The following CASK variants were observed in gnomAD, a reference collection of about 807,000 sequenced individuals.
The protein encoded by CASK is peripheral plasma membrane protein CASK.
A neutral mutation model predicts 82.9 loss-of-function variants in CASK; 4 were observed. The ratio of observed to expected loss-of-function variants is 0.05; its 90% confidence interval spans 0.02 to 0.11. CASK has a LOEUF of 0.11. Among genes scored for constraint, CASK ranks in the 10% least tolerant of loss-of-function variants. The pLI, the probability that CASK is intolerant of heterozygous loss-of-function variation, is 1.00. For missense variants in CASK, 358 were observed against 720.9 expected, an observed-to-expected ratio of 0.50 and a Z score of 5.76; for synonymous variants, 259 against 253.5, an observed-to-expected ratio of 1.02 and a Z score of -0.20.
At chrX:41,893,947 A>G (rs1432969195) in intron 1 of CASK, among the ~76,000 whole-genome samples, 2 of 111,727 alleles carry the variant, frequency 1.8e-5, no homozygotes, top group East Asian at 5.6e-4. Context: ...TTGCTACAAT[A>G]TATTATCTAA....
intron 22 of CASK, among the ~76,000 whole-genome samples, chrX:41,541,846 A>G (rs745664426): frequency 3.6e-5 from 4 of 111,755 alleles, no homozygotes; most frequent in Non-Finnish European, 5.6e-5. Context: ...GCCAGTCAGG[A>G]CTTTCAATTC....
chrX:41,914,618 A>G (rs2072639536), intron 1 of CASK, among the ~76,000 whole-genome samples: 1 of 112,457 alleles, frequency 8.9e-6, no homozygotes, highest in Non-Finnish European at 1.9e-5. Flanking sequence ...GTAGAAAGAT[A>G]TAAGACAATA....
chrX:41,878,591 A>T (rs1386717384), intron 1 of CASK, among the ~76,000 whole-genome samples: 1 of 111,177 alleles, frequency 9.0e-6, no homozygotes, highest in Non-Finnish European at 1.9e-5. Context: ...TTTCAAGCTG[A>T]GTTTTGTCAG....
intron 5 of CASK, among the ~76,000 whole-genome samples, chrX:41,707,031 T>C (rs1395964328): frequency 8.9e-6 from 1 of 111,972 alleles, no homozygotes; most frequent in African/African-American, 3.2e-5. Flanking sequence ...AAGGAGAAAA[T>C]ATAACAAGTC....
chrX:41,801,270 T>G (rs1010554613), intron 2 of CASK, among the ~76,000 whole-genome samples: 1 of 111,986 alleles, frequency 8.9e-6, no homozygotes, highest in Non-Finnish European at 1.9e-5. Flanking sequence ...GATATGGGTC[T>G]CTGATGGTCA....
chrX:41,695,869 T>C (rs1291436068), intron 5 of CASK: 2 of 1,207,343 alleles, frequency 1.7e-6, no homozygotes, highest in East Asian at 5.9e-5. Context: ...CTCTATGTAT[T>C]TCTGGGTATT....
intron 5 of CASK, among the ~76,000 whole-genome samples, chrX:41,711,325 C>A (rs928940666): frequency 8.9e-6 from 1 of 112,385 alleles, no homozygotes; most frequent in Non-Finnish European, 1.9e-5. Flanking sequence ...TCACAGAAAT[C>A]ATCTGTGTTA....
At position 41,853,227 on chromosome X, in the gene CASK, C is replaced by G; in HGVS notation, c.60G>C (p.Lys20Asn). 1 of 1,144,296 alleles carries G rather than the reference C, an allele frequency of 8.7e-7. No homozygotes were observed. The highest frequency in any genetic ancestry group is 1.2e-6 in the Non-Finnish European group (1 of 836,215). 94.3% of individuals were successfully genotyped at this position (1,144,296 alleles called of 1,213,427 possible). Residue 20 changes from lysine (K) to asparagine (N), a missense_variant and splice_region_variant, in exon 2 of 27, where the codon AAG (lysine) becomes AAC (asparagine). Transcript: ENST00000378163. ...ATCGTCGTACAACACTGAAGGGACC[C>G]CTATAAAACAAAAAGTCAATTTTAA... is the stretch of plus-strand genomic sequence containing the variant. ...DVYELCEVIG[K>N]GPFSVVRRCI...
intron 2 of CASK, among the ~76,000 whole-genome samples, chrX:41,802,122 T>A (rs988305859): frequency 1.8e-5 from 2 of 111,700 alleles, no homozygotes; most frequent in African/African-American, 6.5e-5. Flanking sequence ...AACACTTCCC[T>A]CTTAATATTT....
At chrX:41,739,992 C>T (rs1304624871) in intron 4 of CASK, among the ~76,000 whole-genome samples, 1 of 112,084 alleles carries the variant, frequency 8.9e-6, no homozygotes, top group African/African-American at 3.2e-5. Context: ...GTTGGGGCTC[C>T]CTTGAACAAA....
At chrX:41,823,762 T>C (rs756838216) in intron 2 of CASK, among the ~76,000 whole-genome samples, 1 of 111,701 alleles carries the variant, frequency 9.0e-6, no homozygotes, top group Admixed American at 9.5e-5. Context: ...TCTCTTTCCA[T>C]CCTTTCTTTA....
intron 1 of CASK, among the ~76,000 whole-genome samples, chrX:41,869,762 G>A (rs2071661971): frequency 1.2e-5 from 1 of 82,689 alleles, no homozygotes; most frequent in Non-Finnish European, 2.2e-5. Context: ...GCAGTGAGCC[G>A]AGATCACGCC....
intron 12 of CASK, 46 bp from the exon 13 acceptor site, chrX:41,589,638 C>T (rs927433706): frequency 1.1e-6 from 1 of 900,613 alleles, no homozygotes; most frequent in Non-Finnish European, 1.6e-6. Flanking sequence ...CAATTCTTTG[C>T]TAAAAATCAG....
intron 5 of CASK, among the ~76,000 whole-genome samples, chrX:41,691,581 G>A (rs1256787498): frequency 9.1e-6 from 1 of 110,413 alleles, no homozygotes; most frequent in African/African-American, 3.3e-5. Context: ...GTGGCCTGCC[G>A]GGTGCGGTGG....
intron 1 of CASK, among the ~76,000 whole-genome samples, chrX:41,890,708 T>C (rs2072149768): frequency 9.0e-6 from 1 of 111,260 alleles, no homozygotes; most frequent in Non-Finnish European, 1.9e-5. Flanking sequence ...CCATTCTCCA[T>C]TCCCTCTGTA....
At chrX:41,893,127 G>A (rs568371430) in intron 1 of CASK, among the ~76,000 whole-genome samples, 1 of 112,403 alleles carries the variant, frequency 8.9e-6, no homozygotes, top group African/African-American at 3.2e-5. Context: ...CTAAGGCAGA[G>A]GTGGGGGGCA....
intron 3 of CASK, among the ~76,000 whole-genome samples, chrX:41,779,284 A>G (rs2069424696): frequency 8.9e-6 from 1 of 112,325 alleles, no homozygotes; most frequent in African/African-American, 3.2e-5. Context: ...GTCTCTAATA[A>G]GCTTCCCTGG....
At chrX:41,776,085 TATAC>T (rs1296664197) in intron 3 of CASK, among the ~76,000 whole-genome samples, 5 of 112,213 alleles carry the variant, frequency 4.5e-5, no homozygotes, top group African/African-American at 1.6e-4. Context: ...AAGTATAGTA[TATAC>T]ATAAACCAGT....
rs2067661615 is a variant in CASK, at chrX:41,695,307, T to C, written c.430-23777A>G. Among the ~76,000 whole-genome samples, 3 of 107,752 alleles carry C rather than the reference T, an allele frequency of 2.8e-5. No individual in the cohort carries two copies. In the South Asian group the frequency reaches 1.2e-3, roughly 44 times the overall value. 93.6% of individuals were successfully genotyped at this position (107,752 alleles called of 115,157 possible). A position where few individuals can be genotyped will look rare whatever the true frequency, so the allele number is the denominator to read the frequency against. On this transcript the variant is annotated intron_variant, in intron 5 of 26. Coordinates refer to ENST00000378163, the MANE Select transcript of CASK (RefSeq NM_001367721.1). ...AAAATAAATCATTTATTATTTACAC[T>C]GTCTTTTTTTTTTTTTTTTTTTTAA... is the stretch of plus-strand genomic sequence containing the variant.
Sources: gnomAD v4.1 joint callset for allele counts (sites outside exome capture counted in the v4.1 genomes callset) on GRCh38, gnomAD v4.1.1 for gene constraint, MANE v1.5 for transcripts, NCBI Gene and HGNC (gene_info 2026-07-23, HGNC 2026-07-21) for gene names.